The following ZNF708 variants were observed in gnomAD, a reference collection of about 807,000 sequenced individuals.
The protein encoded by ZNF708 is ZNF15, ZNF15L1.
ZNF708 carries 44 observed loss-of-function variants against 47.0 expected under a neutral mutation model. The observed-to-expected ratio is 0.94, with a 90% CI of 0.74 to 1.20. The LOEUF (loss-of-function observed/expected upper bound fraction) is 1.20, where lower values mean the gene tolerates loss of function less well. Among genes scored for constraint, ZNF708 ranks in the 50% most tolerant of loss-of-function variants. ZNF708 has a pLI of 0.00. For missense variants in ZNF708, 557 were observed against 656.0 expected, an observed-to-expected ratio of 0.85 and a Z score of 1.65; for synonymous variants, 184 against 218.5, an observed-to-expected ratio of 0.84 and a Z score of 1.39.
chr19:21,297,945 T>C (rs1017129161), intron 3 of ZNF708, among the ~76,000 whole-genome samples: 20 of 140,126 alleles, frequency 1.4e-4, no homozygotes, highest in African/African-American at 5.4e-4. Context: ...TTTCATTTAC[T>C]GGGAACAAAT....
At chr19:21,309,165 A>G (rs1009964048) in intron 3 of ZNF708, 81 bp downstream of exon 3, 4 of 1,320,040 alleles carry the variant, frequency 3.0e-6, no homozygotes, top group Non-Finnish European at 4.1e-6. Context: ...ACAGATTTCC[A>G]AGTCAAATTT....
chr19:21,305,219 C>T (rs556668028), intron 3 of ZNF708, among the ~76,000 whole-genome samples: 10 of 151,258 alleles, frequency 6.6e-5, no homozygotes, highest in East Asian at 2.0e-4. Context: ...CCAGGTTGGC[C>T]GGGATGGTCT....
chr19:21,309,156 C>T, intron 3 of ZNF708, 90 bp downstream of exon 3: 1 of 1,268,010 alleles, frequency 7.9e-7, no homozygotes, highest in Non-Finnish European at 1.1e-6. Context: ...CTTTGGAACA[C>T]AGATTTCCAA....
chr19:21,312,484 G>A (rs1972918892), intron 1 of ZNF708, among the ~76,000 whole-genome samples: 1 of 151,992 alleles, frequency 6.6e-6, no homozygotes, highest in Non-Finnish European at 1.5e-5. Flanking sequence ...AATACAACAT[G>A]GATGTGTCCA....
chr19:21,316,558 G>T (rs2968057), intron 1 of ZNF708, among the ~76,000 whole-genome samples: 12 of 152,264 alleles, frequency 7.9e-5, no homozygotes, highest in African/African-American at 2.6e-4. Context: ...GAGAAAAAAG[G>T]AATTAAAAAT....
chr19:21,299,315 T>C (rs529755019), intron 3 of ZNF708, among the ~76,000 whole-genome samples: 2 of 152,134 alleles, frequency 1.3e-5, no homozygotes, highest in Non-Finnish European at 2.9e-5. Context: ...ATTGCACCAC[T>C]GCACTCCAGC....
chr19:21,293,408 T>A lies in ZNF708; in HGVS notation c.1558A>T (p.Met520Leu). The A allele has an allele frequency of 1.9e-6, 3 of 1,613,680 alleles. No individual in the cohort carries two copies. Among genetic ancestry groups the A allele is most frequent in the African/African-American group, 1.3e-5 (1 of 75,020 alleles). Residue 520 changes from methionine to leucine, a missense_variant, in exon 4 of 4, where the codon ATG becomes TTG. Physicochemically the swap from Met to Leu is conservative, Grantham distance 15. Transcript: ENST00000356929. ...GKAFNQSSTL[M>L]KHKIIHTGEK... Reference sequence around the variant, plus strand: ...CCAGTATGAATTATCTTATGTTTCATAAGGGTTGAGGACTGGTTAAAAGCT... The same window carrying A: ...CCAGTATGAATTATCTTATGTTTCAAAAGGGTTGAGGACTGGTTAAAAGCT...
chr19:21,296,539 A>G (rs1972530373), intron 3 of ZNF708, among the ~76,000 whole-genome samples: 1 of 151,950 alleles, frequency 6.6e-6, no homozygotes, highest in Non-Finnish European at 1.5e-5. Context: ...AGAACTGTCC[A>G]ACTGAATAAA....
chr19:21,305,691 G>A (rs1599675933), intron 3 of ZNF708, among the ~76,000 whole-genome samples: 1 of 151,886 alleles, frequency 6.6e-6, no homozygotes, highest in Non-Finnish European at 1.5e-5. Flanking sequence ...TCTAACTCCT[G>A]ACCTCATGAT....
At position 21,329,304 on chromosome 19, in the gene ZNF708, G is replaced by C; in HGVS notation, c.-92C>G. 1 of 1,573,980 alleles carries C rather than the reference G, an allele frequency of 6.4e-7. No individual in the cohort carries two copies. Among genetic ancestry groups the C allele is most frequent in the East Asian group, 2.3e-5 (1 of 43,834 alleles). On this transcript the variant is annotated 5_prime_UTR_variant, in exon 1 of 4. Coordinates refer to ENST00000356929, the MANE Select transcript of ZNF708 (RefSeq NM_021269.3). ...CACAGAGTCTGGGCCTCTAGGAGCAGAGGACAAACAGCAGTGAAGACGAGA... is the reference window on the plus strand; with the variant it reads ...CACAGAGTCTGGGCCTCTAGGAGCACAGGACAAACAGCAGTGAAGACGAGA...
In ZNF708 at chr19:21,292,374, A is replaced by G. The variant is rs917540292; in HGVS notation, c.*900T>C. 2 of 152,202 alleles carry G rather than the reference A, an allele frequency of 1.3e-5. No individual in the cohort carries two copies. The highest frequency in any genetic ancestry group is 4.8e-5 in the African/African-American group (2 of 41,462). The allele number at this position is 152,202 out of a possible 1,614,324, so 9.4% of individuals were successfully genotyped here. ...TGTGAATTCTCTGATATTTACATAG[A>G]CTTATTTTGGATTAAATGTTTTAAA... On this transcript the variant is annotated 3_prime_UTR_variant, in exon 4 of 4. Transcript: ENST00000356929.
intron 1 of ZNF708, among the ~76,000 whole-genome samples, chr19:21,313,567 A>C (rs1262366981): frequency 1.3e-5 from 2 of 151,856 alleles, no homozygotes; most frequent in Non-Finnish European, 2.9e-5. Context: ...AGACCAGCCT[A>C]GCCAACATGG....
At chr19:21,315,939 G>A (rs1972992860) in intron 1 of ZNF708, among the ~76,000 whole-genome samples, 1 of 151,502 alleles carries the variant, frequency 6.6e-6, no homozygotes, top group Admixed American at 6.6e-5. Flanking sequence ...GCATGGTGGT[G>A]CAGGCCTGTA....
At chr19:21,298,992 C>T (rs1170616721) in intron 3 of ZNF708, among the ~76,000 whole-genome samples, 3 of 152,154 alleles carry the variant, frequency 2.0e-5, no homozygotes, top group East Asian at 3.8e-4. Context: ...CTAACAGTTA[C>T]ACTCTGAAAC....
intron 1 of ZNF708, among the ~76,000 whole-genome samples, chr19:21,323,641 C>A (rs992482552): frequency 2.0e-5 from 3 of 152,178 alleles, no homozygotes; most frequent in African/African-American, 7.2e-5. Flanking sequence ...TTTTCAAAGT[C>A]TATAAACTGC....
rs1330236274 is a variant in ZNF708 at position 21,294,533 on chromosome 19, A to C, written c.433T>G (p.Tyr145Asp). ...GAATATTTATGAAAGACTTTCACGT[A>C]TTTGTCACACTGAACTATTTTGCTC... ...TQSKIVQCDK[Y>D]VKVFHKYSNA... Residue 145 changes from tyrosine to aspartate, a missense_variant, in exon 4 of 4, where the codon TAC (tyrosine) becomes GAC (aspartate). Transcript: ENST00000356929. The C allele has an allele frequency of 6.2e-7, 1 of 1,614,002 alleles. No individual in the cohort carries two copies. Among genetic ancestry groups the C allele is most frequent in the East Asian group, 2.2e-5 (1 of 44,880 alleles).
chr19:21,303,710 G>GAA (rs1193259008), intron 3 of ZNF708, among the ~76,000 whole-genome samples: 1 of 151,888 alleles, frequency 6.6e-6, no homozygotes, highest in African/African-American at 2.4e-5. Flanking sequence ...TAACGTAATA[G>GAA]AAAAAATTTA....
At chr19:21,327,708 T>C (rs1488700356) in intron 1 of ZNF708, among the ~76,000 whole-genome samples, 1 of 152,080 alleles carries the variant, frequency 6.6e-6, no homozygotes, top group Non-Finnish European at 1.5e-5. Context: ...GGTTTTTCTT[T>C]GTCTTTTGGG....
At chr19:21,316,789 T>TA in intron 1 of ZNF708, among the ~76,000 whole-genome samples, 1 of 140,194 alleles carries the variant, frequency 7.1e-6, no homozygotes, top group South Asian at 2.3e-4. Context: ...CCCATCTCTC[T>TA]TTTTTTTTTT....
Sources: allele counts gnomAD v4.1 joint callset (sites outside exome capture counted in the v4.1 genomes callset), GRCh38; gene constraint gnomAD v4.1.1; transcripts MANE v1.5; gene names NCBI Gene and HGNC (gene_info 2026-07-23, HGNC 2026-07-21).